GRIA2: variants seen among roughly 807,000 people sequenced by gnomAD.
GRIA2 encodes glutamate receptor 2.
Under a neutral mutation model 97.3 loss-of-function variants are expected in GRIA2, and 14 were observed. The observed-to-expected ratio is 0.14, with a 90% CI of 0.10 to 0.23. The LOEUF is 0.23. Ranked by LOEUF, GRIA2 falls within the 10% of genes least tolerant of loss-of-function variation. The pLI is 1.00. For synonymous variants in GRIA2, 412 were observed against 387.8 expected, an observed-to-expected ratio of 1.06 and a Z score of -0.73; for missense variants, 558 against 1,069.8, an observed-to-expected ratio of 0.52 and a Z score of 6.67.
At chr4:157,240,560 T>C (rs1165940097) in intron 2 of GRIA2, among the ~76,000 whole-genome samples, 1 of 152,106 alleles carries the variant, frequency 6.6e-6, no homozygotes, top group Non-Finnish European at 1.5e-5. Flanking sequence ...TTGAAATCAA[T>C]GTTCTCTAAT....
intron 2 of GRIA2, among the ~76,000 whole-genome samples, chr4:157,271,029 A>G (rs967864991): frequency 4.6e-5 from 7 of 151,936 alleles, no homozygotes; most frequent in South Asian, 2.1e-4. Context: ...TATTTGATTC[A>G]TTTGGATGAT....
chr4:157,247,779 G>A (rs1047459448), intron 2 of GRIA2, among the ~76,000 whole-genome samples: 1 of 152,086 alleles, frequency 6.6e-6, no homozygotes, highest in Non-Finnish European at 1.5e-5. Flanking sequence ...CCAGAATGAG[G>A]CACAGGAAGG....
chr4:157,251,073 A>G (rs962082073), intron 2 of GRIA2, among the ~76,000 whole-genome samples: 1 of 152,076 alleles, frequency 6.6e-6, no homozygotes, highest in East Asian at 1.9e-4. Context: ...CTTGGATTTG[A>G]TGCATTATGG....
chr4:157,265,280 C>A (rs1263695629), intron 2 of GRIA2, among the ~76,000 whole-genome samples: 2 of 152,056 alleles, frequency 1.3e-5, no homozygotes, highest in Non-Finnish European at 2.9e-5. Context: ...AACATTTGTT[C>A]CTGTAGTCTA....
Position 157,363,547 on chromosome 4 carries a change from C to T in GRIA2, c.*116C>T, listed in dbSNP as rs922110300. ...TTTCCCAAAGCAGTGCATGCTGTCC[C>T]TTACGTGAGTCCTGGCATGGGAATG... On this transcript the variant is annotated 3_prime_UTR_variant, in exon 16 of 16. Coordinates refer to ENST00000264426, the MANE Select transcript of GRIA2 (RefSeq NM_001083619.3). 1 of 1,235,826 alleles carries T rather than the reference C, an allele frequency of 8.1e-7. No homozygotes were observed. The highest frequency in any genetic ancestry group is 1.0e-6 in the Non-Finnish European group (1 of 989,044). 76.6% of individuals were successfully genotyped at this position (1,235,826 alleles called of 1,614,324 possible).
intron 6 of GRIA2, among the ~76,000 whole-genome samples, chr4:157,322,307 C>T (rs1405932536): frequency 6.7e-6 from 1 of 149,456 alleles, no homozygotes; most frequent in East Asian, 2.0e-4. Flanking sequence ...GATGAGTAGC[C>T]TGGTCTCTTG....
At chr4:157,296,289 G>C (rs964830580) in intron 2 of GRIA2, among the ~76,000 whole-genome samples, 2 of 151,914 alleles carry the variant, frequency 1.3e-5, no homozygotes, top group African/African-American at 4.8e-5. Context: ...TGATAACAAA[G>C]GATAAAAATA....
At chr4:157,270,909 A>C in intron 2 of GRIA2, among the ~76,000 whole-genome samples, 1 of 147,500 alleles carries the variant, frequency 6.8e-6, no homozygotes, top group South Asian at 2.2e-4. Flanking sequence ...ATTGTACATT[A>C]TTGGAACTAC....
At chr4:157,238,841 A>T (rs1041793741) in intron 2 of GRIA2, among the ~76,000 whole-genome samples, 6 of 152,106 alleles carry the variant, frequency 3.9e-5, no homozygotes, top group Admixed American at 6.6e-5. Context: ...AGTCTTTCAT[A>T]CCCTGTGCAT....
At chr4:157,272,007 T>C (rs560112247) in intron 2 of GRIA2, among the ~76,000 whole-genome samples, 4 of 152,222 alleles carry the variant, frequency 2.6e-5, no homozygotes, top group Admixed American at 2.6e-4. Context: ...TTCTGCAAAG[T>C]AAACACGCAT....
chr4:157,273,063 A>G (rs1732106484), intron 2 of GRIA2, among the ~76,000 whole-genome samples: 1 of 152,138 alleles, frequency 6.6e-6, no homozygotes, highest in Non-Finnish European at 1.5e-5. Flanking sequence ...AACCAACAAT[A>G]CAACAATAAA....
intron 6 of GRIA2, among the ~76,000 whole-genome samples, chr4:157,329,114 G>C (rs1441746136): frequency 6.6e-6 from 1 of 151,848 alleles, no homozygotes; most frequent in Non-Finnish European, 1.5e-5. Context: ...ATAATTTTAA[G>C]TTTATAATAC....
chr4:157,309,482 G>T lies in GRIA2; in HGVS notation c.470-3197G>T, dbSNP rs183640883. ...TTCTCCTGCCTCAGTCTTCCAAGTA[G>T]CTGGGATTACAGGCGCCTGCCACCA... On this transcript the variant is annotated intron_variant, in intron 3 of 15. Transcript: ENST00000264426. 4.1e-3 allele frequency among the ~76,000 whole-genome samples: 622 copies of T among 151,602 alleles called. 7 individuals are homozygous for T. The highest frequency in any genetic ancestry group is 0.015 in the African/African-American group (600 of 41,312).
intron 2 of GRIA2, among the ~76,000 whole-genome samples, chr4:157,292,918 TA>T (rs1733171651): frequency 6.6e-6 from 1 of 152,084 alleles, no homozygotes; most frequent in Non-Finnish European, 1.5e-5. Flanking sequence ...CTTTACAGTA[TA>T]ACAAATTTTA....
chr4:157,251,905 G>T (rs1218909214), intron 2 of GRIA2, among the ~76,000 whole-genome samples: 1 of 152,020 alleles, frequency 6.6e-6, no homozygotes, highest in East Asian at 1.9e-4. Flanking sequence ...AGGCATTCTT[G>T]AGACCCTATA....
At chr4:157,348,690 A>G (rs929200179) in intron 12 of GRIA2, among the ~76,000 whole-genome samples, 3 of 152,208 alleles carry the variant, frequency 2.0e-5, no homozygotes, top group African/African-American at 7.2e-5. Context: ...TAAAATTTAT[A>G]GTATCTCTCT....
intron 2 of GRIA2, among the ~76,000 whole-genome samples, chr4:157,300,888 T>C (rs190687373): frequency 6.6e-6 from 1 of 152,184 alleles, no homozygotes; most frequent in African/African-American, 2.4e-5. Context: ...CTCCAGGGCC[T>C]AAAACAAATC....
At chr4:157,321,928 G>A (rs1342549609) in intron 6 of GRIA2, among the ~76,000 whole-genome samples, 1 of 152,012 alleles carries the variant, frequency 6.6e-6, no homozygotes, top group South Asian at 2.1e-4. Context: ...CAGGGATAAT[G>A]TCCCTGCTCA....
chr4:157,294,407 T>G (rs1733246901), intron 2 of GRIA2, among the ~76,000 whole-genome samples: 1 of 151,690 alleles, frequency 6.6e-6, no homozygotes, highest in Non-Finnish European at 1.5e-5. Context: ...ATTGCAGGTT[T>G]TTTAGGCATT....
Sources: allele counts gnomAD v4.1 joint callset (sites outside exome capture counted in the v4.1 genomes callset), GRCh38; gene constraint gnomAD v4.1.1; transcripts MANE v1.5; gene names NCBI Gene and HGNC (gene_info 2026-07-23, HGNC 2026-07-21).